Variants in IGFL4 observed in about 807,000 individuals in gnomAD.
The protein encoded by IGFL4 is insulin growth factor-like family member 4.
A neutral mutation model predicts 15.4 loss-of-function variants in IGFL4; 12 were observed. That is an observed-to-expected ratio of 0.78 (90% confidence interval 0.50 to 1.26). The LOEUF is 1.26. Ranked by LOEUF, IGFL4 falls within the 50% of genes most tolerant of loss-of-function variation. The pLI, the probability that IGFL4 is intolerant of heterozygous loss-of-function variation, is 0.00. For missense variants in IGFL4, 126 were observed against 147.8 expected (o/e 0.85, Z 0.76); for synonymous variants, 54 against 55.9 (o/e 0.97, Z 0.16).
intron 2 of IGFL4, among the ~76,000 whole-genome samples, chr19:46,048,525 A>G (rs923973085): frequency 6.6e-6 from 1 of 152,138 alleles, no homozygotes; most frequent in Non-Finnish European, 1.5e-5. Context: ...AAACCTCATC[A>G]TCTCAGCCCA....
chr19:46,065,325 TTTTC>T (rs1969484320), intron 1 of IGFL4, among the ~76,000 whole-genome samples: 2 of 152,096 alleles, frequency 1.3e-5, no homozygotes, highest in Non-Finnish European at 2.9e-5. Context: ...TTTTCTTTTC[TTTTC>T]TTTTCTTTTT....
intron 1 of IGFL4, among the ~76,000 whole-genome samples, chr19:46,076,355 A>G (rs1348088438): frequency 6.6e-6 from 1 of 152,158 alleles, no homozygotes; most frequent in Admixed American, 6.5e-5. Flanking sequence ...GGCCACTGGG[A>G]GCTCTTCTGT....
At chr19:46,066,647 GAGCA>G (rs1969497709) in intron 1 of IGFL4, among the ~76,000 whole-genome samples, 1 of 152,190 alleles carries the variant, frequency 6.6e-6, no homozygotes, top group Admixed American at 6.5e-5. Context: ...TGTGAAGCAG[GAGCA>G]AGCATGTCAC....
intron 1 of IGFL4, among the ~76,000 whole-genome samples, chr19:46,069,582 T>TC (rs1969526569): frequency 1.3e-5 from 2 of 151,800 alleles, no homozygotes; most frequent in South Asian, 4.2e-4. Context: ...ATATCATACA[T>TC]CCCCCCCTTG....
intron 1 of IGFL4, among the ~76,000 whole-genome samples, chr19:46,061,225 C>T (rs189775817): frequency 3.5e-4 from 54 of 152,284 alleles, no homozygotes; most frequent in Admixed American, 2.2e-3. Flanking sequence ...ATTCCCATGC[C>T]TTCTTATAAT....
intron 2 of IGFL4, among the ~76,000 whole-genome samples, chr19:46,052,386 TG>T (rs1422510995): frequency 6.6e-6 from 1 of 152,222 alleles, no homozygotes; most frequent in Non-Finnish European, 1.5e-5. Flanking sequence ...AACCTGCTCC[TG>T]AGTGATCATT....
At chr19:46,067,442 T>C (rs1969505797) in intron 1 of IGFL4, among the ~76,000 whole-genome samples, 1 of 151,972 alleles carries the variant, frequency 6.6e-6, no homozygotes, top group Non-Finnish European at 1.5e-5. Flanking sequence ...CAAGACCAGC[T>C]CCCAGGAATA....
intron 2 of IGFL4, among the ~76,000 whole-genome samples, chr19:46,047,054 C>T (rs1969303562): frequency 6.6e-6 from 1 of 152,220 alleles, no homozygotes. Flanking sequence ...CAAACAGTCT[C>T]TCAGACCACA....
At chr19:46,066,482 C>T (rs713408) in intron 1 of IGFL4, among the ~76,000 whole-genome samples, 129,697 of 152,154 alleles carry the variant, frequency 0.85, 55,722 homozygotes, top group African/African-American at 0.93. Flanking sequence ...TATTAAGCCA[C>T]TTTTGCATTG....
upstream of IGFL4, chr19:46,041,006 T>C: frequency 6.4e-7 from 1 of 1,551,522 alleles, no homozygotes; most frequent in Admixed American, 2.2e-5. Context: ...GCAGTGGAAA[T>C]GGGTCAGTGA....
At chr19:46,047,207 A>C (rs1162279595) in intron 2 of IGFL4, among the ~76,000 whole-genome samples, 6 of 152,222 alleles carry the variant, frequency 3.9e-5, no homozygotes, top group Non-Finnish European at 8.8e-5. Flanking sequence ...ACTAATGAGA[A>C]CTAAGAGACA....
intron 1 of IGFL4, among the ~76,000 whole-genome samples, chr19:46,070,295 C>T (rs1354898676): frequency 6.6e-6 from 1 of 152,054 alleles, no homozygotes; most frequent in Non-Finnish European, 1.5e-5. Flanking sequence ...CTCTGAGAGT[C>T]CAACAGACTT....
At chr19:46,059,096 G>C (rs1479085590) in intron 2 of IGFL4, 1 of 152,148 alleles carries the variant, frequency 6.6e-6, no homozygotes, top group African/African-American at 2.4e-5. Flanking sequence ...TCTTGGTTTT[G>C]GCCGGCTTTT....
intron 2 of IGFL4, among the ~76,000 whole-genome samples, chr19:46,057,121 G>A (rs1161862154): frequency 1.3e-5 from 2 of 152,082 alleles, no homozygotes; most frequent in Non-Finnish European, 2.9e-5. Context: ...GTAGTAATAA[G>A]TACCCATTAA....
At chr19:46,076,160 C>T (rs768463291) in intron 1 of IGFL4, among the ~76,000 whole-genome samples, 3 of 152,198 alleles carry the variant, frequency 2.0e-5, no homozygotes, top group Non-Finnish European at 2.9e-5. Context: ...TATATGGGCA[C>T]TAATCCCACT....
chr19:46,074,840 G>A (rs1282952947), intron 1 of IGFL4, among the ~76,000 whole-genome samples: 1 of 152,132 alleles, frequency 6.6e-6, no homozygotes, highest in African/African-American at 2.4e-5. Flanking sequence ...ATCCAATCGA[G>A]TTGACAGTCA....
At chr19:46,051,712 A>G (rs1177386638) in intron 2 of IGFL4, among the ~76,000 whole-genome samples, 1 of 152,158 alleles carries the variant, frequency 6.6e-6, no homozygotes, top group Non-Finnish European at 1.5e-5. Context: ...AGAGCTCACC[A>G]ACCAAGTGCG....
At chr19:46,059,108 T>G (rs1969420885) in intron 2 of IGFL4, 1 of 152,212 alleles carries the variant, frequency 6.6e-6, no homozygotes, top group Non-Finnish European at 1.5e-5. Context: ...CCGGCTTTTC[T>G]TACTACAACC....
At chr19:46,044,149 A>C (rs1174519597), upstream of IGFL4, among the ~76,000 whole-genome samples, 1 of 152,116 alleles carries the variant, frequency 6.6e-6, no homozygotes, top group Non-Finnish European at 1.5e-5. Flanking sequence ...CTGCCTGGGA[A>C]ACCATGCTTC....
Sources: gnomAD v4.1 joint callset for allele counts (sites outside exome capture counted in the v4.1 genomes callset) on GRCh38, gnomAD v4.1.1 for gene constraint, MANE v1.5 for transcripts, NCBI Gene and HGNC (gene_info 2026-07-23, HGNC 2026-07-21) for gene names.